Variants in SYNJ1 observed in about 807,000 individuals in gnomAD.
SYNJ1 encodes the protein polyphosphatidylinositol phosphatase SYNJ1.
A neutral mutation model predicts 168.2 loss-of-function variants in SYNJ1; 78 were observed. The ratio of observed to expected loss-of-function variants is 0.46; its 90% confidence interval spans 0.39 to 0.56. The LOEUF (loss-of-function observed/expected upper bound fraction) is 0.56. Among genes scored for constraint, SYNJ1 ranks in the 20% least tolerant of loss-of-function variants. The pLI is 0.00. For synonymous variants in SYNJ1, 539 were observed against 548.6 expected (o/e 0.98, Z 0.24); for missense variants, 1,303 against 1,597.6 (o/e 0.82, Z 3.14).
chr21:32,699,047 G>A (rs1351962304), intron 4 of SYNJ1, among the ~76,000 whole-genome samples: 3 of 152,138 alleles, frequency 2.0e-5, no homozygotes, highest in Admixed American at 6.5e-5. Context: ...TCAATAAACC[G>A]ACATTGGCTG....
At chr21:32,645,371 T>A (rs2040014858) in intron 25 of SYNJ1, among the ~76,000 whole-genome samples, 1 of 152,152 alleles carries the variant, frequency 6.6e-6, no homozygotes, top group African/African-American at 2.4e-5. Flanking sequence ...CATGCCTAAC[T>A]AGATCAAATT....
chr21:32,681,407 A>G, intron 11 of SYNJ1, 89 bp downstream of exon 11: 1 of 1,405,398 alleles, frequency 7.1e-7, no homozygotes, highest in Non-Finnish European at 9.6e-7. Context: ...AATTTAAACC[A>G]TCTATTAACT....
intron 31 of SYNJ1, among the ~76,000 whole-genome samples, chr21:32,638,446 C>T (rs2039677216): frequency 1.3e-5 from 2 of 152,298 alleles, no homozygotes; most frequent in South Asian, 4.1e-4. Context: ...CCTGTAATCC[C>T]AGCACTTTGG....
At chr21:32,636,701 C>T (rs1330534592) in intron 31 of SYNJ1, among the ~76,000 whole-genome samples, 1 of 151,918 alleles carries the variant, frequency 6.6e-6, no homozygotes, top group Non-Finnish European at 1.5e-5. Context: ...CCTCACCTGC[C>T]TCCTGGCCCC....
rs538181969 is a variant in SYNJ1 at position 32,717,140 on chromosome 21, G to A, written c.124+9632C>T. ...ACGCCCGGCTAATTTTGTATTTTTAGTAGAGATGGGATTTCACCATGTTGG... is the reference window on the plus strand; with the variant it reads ...ACGCCCGGCTAATTTTGTATTTTTAATAGAGATGGGATTTCACCATGTTGG... On this transcript the variant is annotated intron_variant, in intron 2 of 32. Transcript: ENST00000674351. Among the ~76,000 whole-genome samples, 5 of 152,176 alleles carry A rather than the reference G, an allele frequency of 3.3e-5. No individual in the cohort carries two copies. The South Asian group carries it at 1.0e-3, about 32-fold the overall frequency.
rs1357910462 is a variant in SYNJ1 at position 32,629,234 on chromosome 21, C to G, written c.*2571G>C. On this transcript the variant is annotated 3_prime_UTR_variant, in exon 33 of 33. Transcript: ENST00000674351. ...TATTTTGCTAATGGAGAGCAAATAC[C>G]ATATACACTAGTCACATGGATGTTA... The G allele has an allele frequency of 6.6e-6, 1 of 152,560 alleles. No individual in the cohort carries two copies. The highest frequency in any genetic ancestry group is 1.5e-5 in the Non-Finnish European group (1 of 68,024). The allele number at this position is 152,560 out of a possible 1,614,324, so 9.5% of individuals were successfully genotyped here.
At position 32,628,830 on chromosome 21, in the gene SYNJ1, C is replaced by G. The variant is rs2145643071; in HGVS notation, c.*2975G>C. The G allele has an allele frequency of 1.3e-5, 2 of 152,648 alleles. No homozygotes were observed. The highest frequency in any genetic ancestry group is 6.8e-3 in the Middle Eastern group (2 of 292). 9.5% of individuals were successfully genotyped at this position (152,648 alleles called of 1,614,324 possible). ...AGGATATGTACAGAATGTCTGTGTA[C>G]CACTGACTTTAATACTGTACTTCTA... is the stretch of plus-strand genomic sequence containing the variant. On this transcript the variant is annotated 3_prime_UTR_variant, in exon 33 of 33. Coordinates refer to ENST00000674351, the MANE Select transcript of SYNJ1 (RefSeq NM_203446.3).
chr21:32,719,323 C>T (rs1040138927), intron 2 of SYNJ1, among the ~76,000 whole-genome samples: 4 of 152,156 alleles, frequency 2.6e-5, no homozygotes, highest in Non-Finnish European at 4.4e-5. Flanking sequence ...TTAGTGAAAC[C>T]GGGTTTTTGC....
chr21:32,632,468 C>G (rs1229187780), intron 32 of SYNJ1, among the ~76,000 whole-genome samples: 1 of 152,010 alleles, frequency 6.6e-6, no homozygotes, highest in Non-Finnish European at 1.5e-5. Flanking sequence ...TCACTGCAAC[C>G]TCCACCTCCC....
At chr21:32,684,183 A>C in intron 9 of SYNJ1, 64 bp from the exon 10 acceptor site, 1 of 1,464,578 alleles carries the variant, frequency 6.8e-7, no homozygotes, top group Non-Finnish European at 9.5e-7. Context: ...AACAGTGAAT[A>C]ATTGAGGTAA....
chr21:32,637,489 A>ACCTC (rs1454552874), intron 31 of SYNJ1, among the ~76,000 whole-genome samples: 1 of 146,504 alleles, frequency 6.8e-6, no homozygotes, highest in Admixed American at 7.0e-5. Context: ...GCTCACTGCA[A>ACCTC]CCTCCACCTC....
intron 24 of SYNJ1, 127 bp from the exon 25 acceptor site, chr21:32,645,916 T>C (rs1399701774): frequency 7.4e-7 from 1 of 1,346,942 alleles, no homozygotes. Context: ...GGGCATGTAT[T>C]TTCAGTATGA....
chr21:32,637,616 A>G (rs765654434), intron 31 of SYNJ1, among the ~76,000 whole-genome samples: 13 of 152,084 alleles, frequency 8.5e-5, no homozygotes, highest in South Asian at 2.1e-4. Context: ...GGGTTTCACC[A>G]TATTGGTCAG....
chr21:32,645,509 G>C (rs2145773924), intron 25 of SYNJ1, 137 bp downstream of exon 25: 2 of 1,244,410 alleles, frequency 1.6e-6, no homozygotes, highest in East Asian at 2.8e-5. Flanking sequence ...ATGTTCTTTA[G>C]AGAAAAGCTA....
chr21:32,696,434 G>T (rs2042216355), intron 4 of SYNJ1, among the ~76,000 whole-genome samples: 1 of 152,120 alleles, frequency 6.6e-6, no homozygotes, highest in South Asian at 2.1e-4. Flanking sequence ...AACTTTGCTG[G>T]GTTGGCCTTC....
Position 32,719,473 on chromosome 21 carries a change from G to A in SYNJ1, c.124+7299C>T, listed in dbSNP as rs552930870. ...TCACGCCCGTAATCCCAGCACTTTG[G>A]AAGGCCATGGTGGGCAGATCACCTG... On this transcript the variant is annotated intron_variant, in intron 2 of 32. Transcript: ENST00000674351. Among the ~76,000 whole-genome samples, 7 of 152,332 alleles carry A rather than the reference G, an allele frequency of 4.6e-5. No individual in the cohort carries two copies. In the South Asian group the frequency reaches 1.2e-3, roughly 27 times the overall value.
At chr21:32,725,888 T>C (rs1464907148) in intron 2 of SYNJ1, among the ~76,000 whole-genome samples, 1 of 152,236 alleles carries the variant, frequency 6.6e-6, no homozygotes, top group Non-Finnish European at 1.5e-5. Context: ...TTGCCCAAGC[T>C]GGAGCGCAGT....
intron 24 of SYNJ1, 72 bp downstream of exon 24, chr21:32,646,321 A>T: frequency 6.8e-7 from 1 of 1,479,364 alleles, no homozygotes. Context: ...TATGAAACTT[A>T]AACGATGACT....
chr21:32,727,929 C>G lies in SYNJ1; in HGVS notation c.-23+17G>C. 1 of 1,532,198 alleles carries G rather than the reference C, an allele frequency of 6.5e-7. No homozygotes were observed. The highest frequency in any genetic ancestry group is 8.7e-7 in the Non-Finnish European group (1 of 1,145,648). The allele number at this position is 1,532,198 out of a possible 1,614,324, so 94.9% of individuals were successfully genotyped here. ...GTCTGGCCGCAGCAGCTCCCCGCCC[C>G]CCGCCGGCTTGCTCACCTCTTCCTC... On this transcript the variant is annotated intron_variant, in intron 1 of 32. Transcript: ENST00000674351.
Sources: allele counts gnomAD v4.1 joint callset (sites outside exome capture counted in the v4.1 genomes callset), GRCh38; gene constraint gnomAD v4.1.1; transcripts MANE v1.5; gene names NCBI Gene and HGNC (gene_info 2026-07-23, HGNC 2026-07-21).